ATP6V1C2: variants seen among roughly 807,000 people sequenced by gnomAD.
The protein encoded by ATP6V1C2 is V-type proton ATPase subunit C 2.
ATP6V1C2 carries 45 observed loss-of-function variants against 56.8 expected under a neutral mutation model. The observed-to-expected ratio is 0.79, with a 90% CI of 0.62 to 1.02. The LOEUF (loss-of-function observed/expected upper bound fraction) is 1.02, where lower values mean the gene tolerates loss of function less well. ATP6V1C2 is among the 50% of genes least tolerant of loss of function. ATP6V1C2 has a pLI of 0.00. For missense variants in ATP6V1C2, 463 were observed against 519.7 expected, an observed-to-expected ratio of 0.89 and a Z score of 1.06; for synonymous variants, 220 against 201.3, an observed-to-expected ratio of 1.09 and a Z score of -0.79.
At chr2:10,750,825 A>G (rs1014349544) in intron 3 of ATP6V1C2, among the ~76,000 whole-genome samples, 1 of 152,236 alleles carries the variant, frequency 6.6e-6, no homozygotes, top group Admixed American at 6.5e-5. Flanking sequence ...AACCGTTGGT[A>G]GCATTAAAAT....
At chr2:10,752,167 G>C (rs1663256080) in intron 3 of ATP6V1C2, among the ~76,000 whole-genome samples, 1 of 152,172 alleles carries the variant, frequency 6.6e-6, no homozygotes, top group Admixed American at 6.5e-5. Context: ...CCTCTTGGGT[G>C]GGGGAGTATG....
At chr2:10,779,617 C>T (rs1042115700) in intron 12 of ATP6V1C2, among the ~76,000 whole-genome samples, 17 of 141,998 alleles carry the variant, frequency 1.2e-4, no homozygotes, top group Non-Finnish European at 2.4e-4. Flanking sequence ...GCCTCGGAGC[C>T]GGAGGTTGCA....
chr2:10,776,536 T>C (rs1234395204), intron 10 of ATP6V1C2, among the ~76,000 whole-genome samples: 2 of 152,196 alleles, frequency 1.3e-5, no homozygotes, highest in Non-Finnish European at 2.9e-5. Context: ...AAGTGTTTTC[T>C]TCCTTAGGCT....
intron 6 of ATP6V1C2, among the ~76,000 whole-genome samples, chr2:10,771,184 A>G (rs1213866825): frequency 6.6e-6 from 1 of 152,200 alleles, no homozygotes; most frequent in Non-Finnish European, 1.5e-5. Flanking sequence ...TCAACGCTGG[A>G]GAGCGATTTC....
At chr2:10,782,743 A>T (rs1449492336) in intron 13 of ATP6V1C2, among the ~76,000 whole-genome samples, 1 of 148,550 alleles carries the variant, frequency 6.7e-6, no homozygotes, top group Admixed American at 6.9e-5. Flanking sequence ...AGGCAGGAGA[A>T]TCGCTTGAAC....
chr2:10,743,529 A>C (rs1662678674), intron 3 of ATP6V1C2, among the ~76,000 whole-genome samples: 1 of 151,994 alleles, frequency 6.6e-6, no homozygotes, highest in South Asian at 2.1e-4. Flanking sequence ...TGGTGTTTGT[A>C]GCACATGAGC....
chr2:10,742,462 T>A (rs1662611173), intron 3 of ATP6V1C2, among the ~76,000 whole-genome samples: 1 of 152,090 alleles, frequency 6.6e-6, no homozygotes, highest in Admixed American at 6.6e-5. Context: ...TAAGGCTACA[T>A]AAGAATCTCC....
intron 4 of ATP6V1C2, among the ~76,000 whole-genome samples, chr2:10,760,023 G>GTTTTTTTTTTT (rs1405939914): frequency 1.3e-5 from 1 of 77,880 alleles, no homozygotes; most frequent in African/African-American, 6.1e-5. Context: ...GCAGTTTTTT[G>GTTTTTTTTTTT]TTTTTTGTTT....
chr2:10,777,583 A>G lies in ATP6V1C2; in HGVS notation c.826-2A>G. 1 of 1,605,640 alleles carries G rather than the reference A, an allele frequency of 6.2e-7. No individual in the cohort carries two copies. The highest frequency in any genetic ancestry group is 1.1e-5 in the South Asian group (1 of 89,086). On this transcript the variant is annotated splice_acceptor_variant, in intron 10 of 13. Coordinates refer to ENST00000272238, the MANE Select transcript of ATP6V1C2 (RefSeq NM_001039362.2). LOFTEE classifies it high-confidence loss of function. The stretch of plus-strand genomic sequence containing the variant: ...ATTAATAAATCATTTCTGTGCCTTT[A>G]GCAAACTTCCTGTGTTGCTCTTAAA...
chr2:10,723,526 T>C (rs1213521425), intron 2 of ATP6V1C2, among the ~76,000 whole-genome samples: 1 of 151,712 alleles, frequency 6.6e-6, no homozygotes, highest in Non-Finnish European at 1.5e-5. Flanking sequence ...GAGGGCAAAG[T>C]TCAAACGAAA....
intron 3 of ATP6V1C2, among the ~76,000 whole-genome samples, chr2:10,737,957 C>A (rs917430822): frequency 6.6e-6 from 1 of 152,092 alleles, no homozygotes; most frequent in Non-Finnish European, 1.5e-5. Flanking sequence ...TCCCAAAATG[C>A]CGAAATTACA....
chr2:10,732,647 G>A (rs1355612202), intron 3 of ATP6V1C2, among the ~76,000 whole-genome samples: 1 of 152,082 alleles, frequency 6.6e-6, no homozygotes, highest in African/African-American at 2.4e-5. Flanking sequence ...TGCACAAGTT[G>A]CTTTTAGTGG....
Position 10,784,070 on chromosome 2 carries a change from A to C in ATP6V1C2, c.*807A>C, listed in dbSNP as rs867675005. The C allele has an allele frequency of 6.8e-6, 3 of 439,006 alleles. No homozygotes were observed. In the Middle Eastern group the frequency reaches 9.4e-4, roughly 138 times the overall value. The allele number at this position is 439,006 out of a possible 1,614,324, so 27.2% of individuals were successfully genotyped here. A position where few individuals can be genotyped will look rare whatever the true frequency, so the allele number is the denominator to read the frequency against. ...TTCACCGGCTACAACAATTCATAGAATTTTTCAATGTTTTCTTGAGATGCA... is the reference window on the plus strand; with the variant it reads ...TTCACCGGCTACAACAATTCATAGACTTTTTCAATGTTTTCTTGAGATGCA... On this transcript the variant is annotated 3_prime_UTR_variant, in exon 14 of 14. Coordinates refer to ENST00000272238, the MANE Select transcript of ATP6V1C2 (RefSeq NM_001039362.2).
intron 4 of ATP6V1C2, among the ~76,000 whole-genome samples, chr2:10,755,051 C>T (rs1054961746): frequency 6.6e-6 from 1 of 151,814 alleles, no homozygotes; most frequent in South Asian, 2.1e-4. Flanking sequence ...GAGTTTTTCT[C>T]GTGTTGCCCA....
intron 3 of ATP6V1C2, among the ~76,000 whole-genome samples, chr2:10,734,151 C>G (rs1248075998): frequency 6.6e-6 from 1 of 152,118 alleles, no homozygotes; most frequent in East Asian, 1.9e-4. Flanking sequence ...GTGGGTTGCT[C>G]TAAGCTGCTG....
chr2:10,771,907 A>G lies in ATP6V1C2; in HGVS notation c.539A>G (p.Tyr180Cys). Residue 180 changes from tyrosine to cysteine, a missense_variant, in exon 7 of 14, where the codon TAT (tyrosine) becomes TGT (cysteine). Tyr to Cys is a radical substitution (Grantham distance 194). Transcript: ENST00000272238. ...SKEDFVLDSE[Y>C]LVTLLVIVPK... ...GAGGACTTCGTGCTGGATTCTGAAT[A>G]TCTCGTCACACTTCTGGTCATCGTC... The G allele has an allele frequency of 6.2e-7, 1 of 1,614,140 alleles. No homozygotes were observed. The highest frequency in any genetic ancestry group is 8.5e-7 in the Non-Finnish European group (1 of 1,180,006).
chr2:10,782,302 C>T lies in ATP6V1C2; in HGVS notation c.1121C>T (p.Thr374Ile). The change falls in exon 13 of 14, where the codon ACC becomes ATC. Residue 374 changes from threonine to isoleucine, a missense_variant. Physicochemically the swap from Thr to Ile is moderately conservative, Grantham distance 89. Transcript: ENST00000272238. ...CTGCAGCCGCATAAGAAGTCATCCA[C>T]CAAGCGTTTAAGAGAGGTTCTAAAC... ...VLLQPHKKSS[T>I]KRLREVLNSV... 1.9e-6 allele frequency: 3 copies of T among 1,614,210 alleles called. No homozygotes were observed. Among genetic ancestry groups the T allele is most frequent in the Non-Finnish European group, 2.5e-6 (3 of 1,180,034 alleles).
intron 3 of ATP6V1C2, among the ~76,000 whole-genome samples, chr2:10,735,795 C>G (rs920269629): frequency 6.6e-6 from 1 of 151,630 alleles, no homozygotes; most frequent in African/African-American, 2.4e-5. Flanking sequence ...TTTATGTTGC[C>G]CAGGCTGGTC....
intron 12 of ATP6V1C2, among the ~76,000 whole-genome samples, chr2:10,781,925 C>T (rs541359799): frequency 2.6e-5 from 4 of 152,310 alleles, no homozygotes; most frequent in Admixed American, 6.5e-5. Flanking sequence ...TTTAGACAAA[C>T]GCCTTGGAGT....
Sources: gnomAD v4.1 joint callset for allele counts (sites outside exome capture counted in the v4.1 genomes callset) on GRCh38, gnomAD v4.1.1 for gene constraint, MANE v1.5 for transcripts, NCBI Gene and HGNC (gene_info 2026-07-23, HGNC 2026-07-21) for gene names.